The following FAM89A variants were observed in gnomAD, a reference collection of about 807,000 sequenced individuals.
FAM89A encodes family with sequence similarity 89 member A, also known as protein FAM89A.
In FAM89A, 10 loss-of-function variants were observed where a neutral mutation model predicts 7.1. The ratio of observed to expected loss-of-function variants is 1.40; its 90% confidence interval spans 0.86 to 2.38. The LOEUF is 2.38. Ranked by LOEUF, FAM89A falls within the 30% of genes most tolerant of loss-of-function variation. The probability of loss-of-function intolerance (pLI) is 0.00; values close to 1 mark genes in which losing one functional copy is unlikely to be tolerated. For synonymous variants in FAM89A, 157 were observed against 129.3 expected (o/e 1.21, Z -1.45); for missense variants, 276 against 262.8 (o/e 1.05, Z -0.35).
intron 1 of FAM89A, among the ~76,000 whole-genome samples, chr1:231,032,027 T>G (rs1252358209): frequency 6.6e-6 from 1 of 152,018 alleles, no homozygotes; most frequent in African/African-American, 2.4e-5. Context: ...AATGGGAAAA[T>G]GTAATGGGAA....
intron 1 of FAM89A, among the ~76,000 whole-genome samples, chr1:231,038,603 A>G (rs7518675): frequency 2.0e-4 from 30 of 152,344 alleles, no homozygotes; most frequent in African/African-American, 7.2e-4. Context: ...TAAATTAAAA[A>G]CGGTTGGCTT....
At chr1:231,020,878 C>G (rs756181164) in intron 1 of FAM89A, among the ~76,000 whole-genome samples, 7 of 152,220 alleles carry the variant, frequency 4.6e-5, no homozygotes, top group East Asian at 1.9e-4. Context: ...CTCCCTCCCC[C>G]ACCACCCATC....
intron 1 of FAM89A, among the ~76,000 whole-genome samples, chr1:231,032,060 G>A (rs1572357246): frequency 6.6e-6 from 1 of 152,160 alleles, no homozygotes; most frequent in East Asian, 1.9e-4. Flanking sequence ...CCAATAAAGT[G>A]ATTCAATTTG....
In FAM89A at chr1:231,020,192, A is replaced by G. The variant is rs115405306; in HGVS notation, c.292-66T>C. The G allele has an allele frequency of 3.9e-3, 5,826 of 1,481,182 alleles. 189 individuals carry two copies. The African/African-American group carries it at 0.073, about 19-fold the overall frequency. 91.8% of individuals were successfully genotyped at this position (1,481,182 alleles called of 1,614,324 possible). A position where few individuals can be genotyped will look rare whatever the true frequency, so the allele number is the denominator to read the frequency against. The stretch of plus-strand genomic sequence containing the variant: ...CACTTGAGTTTAATTTCAGTGGAAC[A>G]CTCAGCCGGCGATCTGCGCCTGCCA... On this transcript the variant is annotated intron_variant, in intron 1 of 1. Transcript: ENST00000366654.
intron 1 of FAM89A, among the ~76,000 whole-genome samples, chr1:231,034,163 G>C (rs549272136): frequency 5.6e-4 from 85 of 152,224 alleles, no homozygotes; most frequent in Non-Finnish European, 1.1e-3. Context: ...ACAGCAACTA[G>C]GTATAGCTGT....
At chr1:231,032,163 A>C (rs1680081738) in intron 1 of FAM89A, among the ~76,000 whole-genome samples, 1 of 152,252 alleles carries the variant, frequency 6.6e-6, no homozygotes, top group Admixed American at 6.5e-5. Flanking sequence ...TAACAGTCAT[A>C]CTGCAAACAT....
chr1:231,029,920 T>C (rs1680041089), intron 1 of FAM89A, among the ~76,000 whole-genome samples: 1 of 152,190 alleles, frequency 6.6e-6, no homozygotes, highest in South Asian at 2.1e-4. Flanking sequence ...TCCAATCGAT[T>C]ATAACCTGAT....
chr1:231,024,222 T>G (rs1403635666), intron 1 of FAM89A, among the ~76,000 whole-genome samples: 2 of 149,098 alleles, frequency 1.3e-5, no homozygotes, highest in Non-Finnish European at 3.0e-5. Context: ...AAAAGATGCA[T>G]GGGTACGCGC....
intron 1 of FAM89A, among the ~76,000 whole-genome samples, chr1:231,039,120 C>G (rs1189050168): frequency 6.6e-6 from 1 of 152,266 alleles, no homozygotes; most frequent in Non-Finnish European, 1.5e-5. Flanking sequence ...AAATCCCTGC[C>G]CTTGTCCTAC....
At chr1:231,020,466 A>ACG (rs762125690) in intron 1 of FAM89A, among the ~76,000 whole-genome samples, 21 of 152,154 alleles carry the variant, frequency 1.4e-4, no homozygotes, top group Admixed American at 4.6e-4. Flanking sequence ...GACGCCAAGA[A>ACG]ACGAGTGTGT....
Position 231,039,965 on chromosome 1 carries a change from G to C in FAM89A, c.247C>G (p.Pro83Ala), listed in dbSNP as rs914811381. Reference sequence around the variant, plus strand: ...GCCAGAGCGGCGTCCAGGTTGGGAGGCTTGGCGGGCAGCGCTGCCGCCCGG... The same window carrying C: ...GCCAGAGCGGCGTCCAGGTTGGGAGCCTTGGCGGGCAGCGCTGCCGCCCGG... ...GARAAALPAKPPNLDAALALL... is the reference protein window; with the variant it reads ...GARAAALPAKAPNLDAALALL... The change falls in exon 1 of 2, where the codon CCT (proline) becomes GCT (alanine). Residue 83 changes from proline (P) to alanine (A), a missense_variant. By Grantham distance (27) the Pro-to-Ala change is conservative. Coordinates refer to ENST00000366654, the MANE Select transcript of FAM89A (RefSeq NM_198552.3). 1.7e-5 allele frequency: 24 copies of C among 1,372,462 alleles called. No individual in the cohort carries two copies. In the African/African-American group the frequency reaches 3.7e-4, roughly 21 times the overall value. 85.0% of individuals were successfully genotyped at this position (1,372,462 alleles called of 1,614,324 possible).
Position 231,039,923 on chromosome 1 carries a change from T to C in FAM89A, c.289A>G (p.Met97Val). Residue 97 changes from methionine (M) to valine (V), a missense_variant and splice_region_variant, in exon 1 of 2, where the codon ATG (methionine) becomes GTG (valine). By Grantham distance (21) the Met-to-Val change is conservative (BLOSUM62 1). Coordinates refer to ENST00000366654, the MANE Select transcript of FAM89A (RefSeq NM_198552.3). Reference sequence around the variant, plus strand: ...CCAGCTCGCGGAGCCCCACTCACCATCTCTTTGCGGAGCAGCGCCAGAGCG... The same window carrying C: ...CCAGCTCGCGGAGCCCCACTCACCACCTCTTTGCGGAGCAGCGCCAGAGCG... ...DAALALLRKE[M>V]VGLRQLDMSL... The C allele has an allele frequency of 1.5e-6, 2 of 1,329,976 alleles. No individual in the cohort carries two copies. Among genetic ancestry groups the C allele is most frequent in the African/African-American group, 3.1e-5 (2 of 64,910 alleles). The allele number at this position is 1,329,976 out of a possible 1,614,324, so 82.4% of individuals were successfully genotyped here. A position where few individuals can be genotyped will look rare whatever the true frequency, so the allele number is the denominator to read the frequency against.
rs1679840287 is a variant in FAM89A, at chr1:231,019,866, G to A, written c.552C>T (p.Ile184=). ...GTCACATCCCTCCCAAGACCCTCTA[G>A]ATGGACTCCAGAATCCAGTCGCTGC... ...LSSSDWILES[I] is the part of the protein sequence containing the mutation. Residue 184 remains isoleucine (I), a synonymous_variant, in exon 2 of 2, where the codon ATC becomes ATT. Coordinates refer to ENST00000366654, the MANE Select transcript of FAM89A (RefSeq NM_198552.3). 1 of 1,613,600 alleles carries A rather than the reference G, an allele frequency of 6.2e-7. No individual in the cohort carries two copies. The highest frequency in any genetic ancestry group is 1.7e-5 in the Admixed American group (1 of 59,992).
chr1:231,029,375 C>T (rs1680030825), intron 1 of FAM89A, among the ~76,000 whole-genome samples: 1 of 151,870 alleles, frequency 6.6e-6, no homozygotes, highest in Non-Finnish European at 1.5e-5. Flanking sequence ...GCCTGTGGTC[C>T]CAGCTACTTG....
intron 1 of FAM89A, among the ~76,000 whole-genome samples, chr1:231,027,221 C>T (rs1679989789): frequency 6.6e-6 from 1 of 152,146 alleles, no homozygotes; most frequent in African/African-American, 2.4e-5. Context: ...CCCAGGCCCA[C>T]CGAGGTGATG....
chr1:231,029,350 G>A (rs1259566369), intron 1 of FAM89A, among the ~76,000 whole-genome samples: 1 of 152,000 alleles, frequency 6.6e-6, no homozygotes, highest in Non-Finnish European at 1.5e-5. Flanking sequence ...AAATTGGCTG[G>A]GTGTGGTGGT....
intron 1 of FAM89A, among the ~76,000 whole-genome samples, chr1:231,036,940 T>C (rs11122199): frequency 0.41 from 62,720 of 152,164 alleles, 13,124 homozygotes; most frequent in East Asian, 0.55. Flanking sequence ...AAAACCTTGC[T>C]AACTGCCATA....
chr1:231,037,800 T>C (rs1450562715), intron 1 of FAM89A, among the ~76,000 whole-genome samples: 1 of 152,088 alleles, frequency 6.6e-6, no homozygotes, highest in Non-Finnish European at 1.5e-5. Context: ...CCTTCTGAGG[T>C]CTTCCACACC....
intron 1 of FAM89A, among the ~76,000 whole-genome samples, chr1:231,033,002 G>A (rs773895004): frequency 2.0e-5 from 3 of 152,216 alleles, no homozygotes; most frequent in Non-Finnish European, 4.4e-5. Flanking sequence ...CCACAAAAAC[G>A]GGAAAGGCCA....
Sources: gnomAD v4.1 joint callset for allele counts (sites outside exome capture counted in the v4.1 genomes callset) on GRCh38, gnomAD v4.1.1 for gene constraint, MANE v1.5 for transcripts, NCBI Gene and HGNC (gene_info 2026-07-23, HGNC 2026-07-21) for gene names.